The following ALOXE3 variants were observed in gnomAD, a reference collection of about 807,000 sequenced individuals.
The protein encoded by ALOXE3 is hydroperoxide isomerase ALOXE3.
A neutral mutation model predicts 87.5 loss-of-function variants in ALOXE3; 78 were observed. The observed-to-expected ratio is 0.89, with a 90% confidence interval of 0.74 to 1.08. ALOXE3 has a LOEUF of 1.08. ALOXE3 is among the 50% of genes least tolerant of loss of function. ALOXE3 has a pLI of 0.00. For synonymous variants in ALOXE3, 363 were observed against 370.8 expected (o/e 0.98, Z 0.24); for missense variants, 946 against 912.4 (o/e 1.04, Z -0.47).
chr17:8,116,656 T>C, intron 3 of ALOXE3, 120 bp downstream of exon 3: 1 of 1,210,010 alleles, frequency 8.3e-7, no homozygotes, highest in Non-Finnish European at 1.2e-6. Flanking sequence ...AACATCTACT[T>C]GGGAGCCCAG....
chr17:8,105,246 G>C (rs34387214), intron 13 of ALOXE3, among the ~76,000 whole-genome samples: 35,677 of 152,086 alleles, frequency 0.23, 4,503 homozygotes, highest in Admixed American at 0.34. Flanking sequence ...CTTCCTGATA[G>C]TTCTCAAATG....
chr17:8,096,939 T>A, intron 15 of ALOXE3, 133 bp from the exon 16 acceptor site: 1 of 1,077,092 alleles, frequency 9.3e-7, no homozygotes, highest in South Asian at 1.3e-5. Context: ...TTGTAAACAC[T>A]TGCCCCAAAC....
rs1376725146 is a variant in ALOXE3 at position 8,108,487 on chromosome 17, G to A, written c.1665C>T (p.Phe555=). 1.2e-6 allele frequency: 2 copies of A among 1,613,242 alleles called. No homozygotes were observed. Among genetic ancestry groups the A allele is most frequent in the East Asian group, 2.2e-5 (1 of 44,866 alleles). Residue 555 remains phenylalanine, a synonymous_variant, in exon 13 of 16, where the codon TTC becomes TTT. Transcript: ENST00000448843. The part of the protein sequence containing the change: ...AWTGEIFAQA[F]LGRESSGFPS... Reference sequence around the variant, plus strand: ...GGATACCTGAGCTTTCCCGGCCCAGGAACGCCTGAGCAAAAATCTCGCCAG... The same window carrying A: ...GGATACCTGAGCTTTCCCGGCCCAGAAACGCCTGAGCAAAAATCTCGCCAG...
chr17:8,105,914 CA>C (rs1164518718), intron 13 of ALOXE3, among the ~76,000 whole-genome samples: 7,136 of 43,078 alleles, frequency 0.17, 106 homozygotes, highest in African/African-American at 0.26. Context: ...GACCCCGCCT[CA>C]AAAAAAAAAA....
At position 8,114,614 on chromosome 17, in the gene ALOXE3, G is replaced by T. The variant is rs777046866; in HGVS notation, c.555-5C>A. 8.1e-6 allele frequency: 13 copies of T among 1,613,950 alleles called. No homozygotes were observed. Among genetic ancestry groups the T allele is most frequent in the Non-Finnish European group, 1.1e-5 (13 of 1,179,958 alleles). On this transcript the variant is annotated splice_polypyrimidine_tract_variant and splice_region_variant and intron_variant, in intron 5 of 15. Transcript: ENST00000448843. ...GGCAGGTACCGATTCCCACTGCTGG[G>T]GGTCGGGGGAGTAGAAAGACAGAAA...
rs762784387 is a variant in ALOXE3 at position 8,109,154 on chromosome 17, T to A, written c.1562+20A>T. 3.0e-5 allele frequency: 48 copies of A among 1,611,404 alleles called. No individual in the cohort carries two copies. Among genetic ancestry groups the A allele is most frequent in the African/African-American group, 4.0e-5 (3 of 74,876 alleles). On this transcript the variant is annotated intron_variant, in intron 12 of 15. Transcript: ENST00000448843. ...CAGGAGACCCTGGTGGGACTGCTGG[T>A]CCCGCCCCGCACCTCGCACCTCTCA...
In ALOXE3 at chr17:8,110,374, G is replaced by A. The variant is rs777593778; in HGVS notation, c.1101+11C>T. 6 of 1,604,236 alleles carry A rather than the reference G, an allele frequency of 3.7e-6. No homozygotes were observed. The South Asian group carries it at 6.6e-5, about 18-fold the overall frequency. ...TGAGCCCCCATCCCGGGGCGGCGGC[G>A]CCGGGCTCACCTGGATGGCCAAGGG... On this transcript the variant is annotated intron_variant, in intron 9 of 15. Coordinates refer to ENST00000448843, the MANE Select transcript of ALOXE3 (RefSeq NM_021628.3).
intron 11 of ALOXE3, among the ~76,000 whole-genome samples, 161 bp from the exon 12 acceptor site, chr17:8,109,504 G>C (rs1411218817): frequency 6.6e-6 from 1 of 152,260 alleles, no homozygotes; most frequent in African/African-American, 2.4e-5. Flanking sequence ...CGCAGGCTGC[G>C]CAGCTTGACG....
At chr17:8,103,887 T>C (rs1567993246) in intron 14 of ALOXE3, among the ~76,000 whole-genome samples, 1 of 152,038 alleles carries the variant, frequency 6.6e-6, no homozygotes, top group African/African-American at 2.4e-5. Context: ...AGCCCCTAAG[T>C]TCTTCTCCCA....
chr17:8,111,593 C>A, intron 7 of ALOXE3, 62 bp from the exon 8 acceptor site: 1 of 1,567,914 alleles, frequency 6.4e-7, no homozygotes, highest in Non-Finnish European at 8.8e-7. Flanking sequence ...CTAGTCCTGC[C>A]AAGTCCTTTG....
At chr17:8,108,067 G>GAT (rs1429262328) in intron 13 of ALOXE3, among the ~76,000 whole-genome samples, 3 of 58,232 alleles carry the variant, frequency 5.2e-5, no homozygotes, top group Admixed American at 1.8e-4. Flanking sequence ...AAGAAAGAAA[G>GAT]GAAGAGAGGT....
Position 8,096,811 on chromosome 17 carries a change from G to A in ALOXE3, c.1957-5C>T, listed in dbSNP as rs750628714. 3.1e-6 allele frequency: 5 copies of A among 1,614,038 alleles called. No individual in the cohort carries two copies. Among genetic ancestry groups the A allele is most frequent in the Non-Finnish European group, 4.2e-6 (5 of 1,179,946 alleles). On this transcript the variant is annotated splice_region_variant and splice_polypyrimidine_tract_variant and intron_variant, in intron 15 of 15. Coordinates refer to ENST00000448843, the MANE Select transcript of ALOXE3 (RefSeq NM_021628.3). The stretch of plus-strand genomic sequence containing the variant: ...TGGGTAGGTGCCCAGGGGCCTCTGG[G>A]AGGACATCAGGTAAGAGGTCAGGAT...
intron 2 of ALOXE3, among the ~76,000 whole-genome samples, chr17:8,117,236 C>A (rs1006108682): frequency 1.3e-5 from 2 of 152,170 alleles, no homozygotes; most frequent in African/African-American, 4.8e-5. Context: ...CCAGCCTGCC[C>A]GATGAAACCG....
In ALOXE3 at chr17:8,108,570, C is replaced by T. The variant is rs1224230124; in HGVS notation, c.1582G>A (p.Gly528Ser). The T allele has an allele frequency of 6.2e-7, 1 of 1,612,454 alleles. No individual in the cohort carries two copies. Among genetic ancestry groups the T allele is most frequent in the South Asian group, 1.1e-5 (1 of 91,010 alleles). The change falls in exon 13 of 16, where the codon GGC (glycine) becomes AGC (serine). Residue 528 changes from glycine to serine, a missense_variant. Physicochemically the swap from Gly to Ser is moderately conservative, Grantham distance 56. Transcript: ENST00000448843. ...AIESFVSEIVGYYYPSDASVQ... is the reference protein window; with the variant it reads ...AIESFVSEIVSYYYPSDASVQ... ...GATGCGTCACTGGGATAATAGTAGC[C>T]CACGATTTCTGAGACAAAGCTGCAG...
At position 8,110,235 on chromosome 17, in the gene ALOXE3, A is replaced by T; in HGVS notation, c.1162T>A (p.Trp388Arg). The T allele has an allele frequency of 6.2e-7, 1 of 1,614,082 alleles. No individual in the cohort carries two copies. The highest frequency in any genetic ancestry group is 8.5e-7 in the Non-Finnish European group (1 of 1,179,924). Reference sequence around the variant, plus strand: ...CGCACCCACGTCTTGGCCAGCAGCCAGTCCCATTCGGAGTCAGTGGGCAGG... The same window carrying T: ...CGCACCCACGTCTTGGCCAGCAGCCTGTCCCATTCGGAGTCAGTGGGCAGG... ...IFLPTDSEWD[W>R]LLAKTWVRNS... The change falls in exon 10 of 16, where the codon TGG (tryptophan) becomes AGG (arginine). Residue 388 changes from tryptophan (W) to arginine (R), a missense_variant. By Grantham distance (101) the Trp-to-Arg change is moderately radical (BLOSUM62 -3). Coordinates refer to ENST00000448843, the MANE Select transcript of ALOXE3 (RefSeq NM_021628.3).
At position 8,096,330 on chromosome 17, in the gene ALOXE3, C is replaced by T; in HGVS notation, c.*297G>A. On this transcript the variant is annotated 3_prime_UTR_variant, in exon 16 of 16. Transcript: ENST00000448843. ...AGCTGGGCATTCCAAGAGGCTGGAACAAGAGGCTGCCCCAAGTGGGGCAAG... is the reference window on the plus strand; with the variant it reads ...AGCTGGGCATTCCAAGAGGCTGGAATAAGAGGCTGCCCCAAGTGGGGCAAG... The T allele has an allele frequency of 2.8e-6, 1 of 361,694 alleles. No homozygotes were observed. Among genetic ancestry groups the T allele is most frequent in the Non-Finnish European group, 5.1e-6 (1 of 197,378 alleles). The allele number at this position is 361,694 out of a possible 1,614,324, so 22.4% of individuals were successfully genotyped here.
chr17:8,108,038 A>AGAAG (rs1979649666), intron 13 of ALOXE3, among the ~76,000 whole-genome samples: 1 of 145,252 alleles, frequency 6.9e-6, no homozygotes, highest in Non-Finnish European at 1.5e-5. Context: ...AAAGAAAGAA[A>AGAAG]GAAAGAAAGA....
chr17:8,101,977 G>C (rs76084564), intron 15 of ALOXE3, among the ~76,000 whole-genome samples: 1,750 of 152,264 alleles, frequency 0.011, 34 homozygotes, highest in African/African-American at 0.039. Context: ...GGAGTCAAGC[G>C]TGAGAAATAA....
chr17:8,096,378 C>A lies in ALOXE3; in HGVS notation c.*249G>T, dbSNP rs989809638. Reference sequence around the variant, plus strand: ...AAGAAGTGAAGCGGTTCCTTCCTTTCGGAGGGGCTATTGTGCATTGGACTT... The same window carrying A: ...AAGAAGTGAAGCGGTTCCTTCCTTTAGGAGGGGCTATTGTGCATTGGACTT... On this transcript the variant is annotated 3_prime_UTR_variant, in exon 16 of 16. Coordinates refer to ENST00000448843, the MANE Select transcript of ALOXE3 (RefSeq NM_021628.3). 5 of 494,128 alleles carry A rather than the reference C, an allele frequency of 1.0e-5. No homozygotes were observed. The highest frequency in any genetic ancestry group is 3.5e-5 in the East Asian group (1 of 28,798). 30.6% of individuals were successfully genotyped at this position (494,128 alleles called of 1,614,324 possible). A position where few individuals can be genotyped will look rare whatever the true frequency, so the allele number is the denominator to read the frequency against.
Sources: gnomAD v4.1 joint callset for allele counts (sites outside exome capture counted in the v4.1 genomes callset) on GRCh38, gnomAD v4.1.1 for gene constraint, MANE v1.5 for transcripts, NCBI Gene and HGNC (gene_info 2026-07-23, HGNC 2026-07-21) for gene names.